SETBP1: variants seen among roughly 807,000 people sequenced by gnomAD.
The protein encoded by SETBP1 is SET-binding protein.
A neutral mutation model predicts 101.0 loss-of-function variants in SETBP1; 9 were observed. The observed-to-expected ratio is 0.09, with a 90% confidence interval of 0.05 to 0.16. The LOEUF (loss-of-function observed/expected upper bound fraction) is 0.16. Ranked by LOEUF, SETBP1 falls within the 10% of genes least tolerant of loss-of-function variation. SETBP1 has a pLI of 1.00. For missense variants in SETBP1, 1,858 were observed against 2,033.8 expected (o/e 0.91, Z 1.66); for synonymous variants, 818 against 788.5 (o/e 1.04, Z -0.63).
intron 3 of SETBP1, among the ~76,000 whole-genome samples, chr18:44,920,601 G>A (rs1236719197): frequency 6.6e-6 from 1 of 152,138 alleles, no homozygotes; most frequent in Non-Finnish European, 1.5e-5. Context: ...CAAGAGCCCA[G>A]TGGTTTAAAA....
At chr18:44,803,455 T>C (rs1599149135) in intron 2 of SETBP1, among the ~76,000 whole-genome samples, 1 of 152,160 alleles carries the variant, frequency 6.6e-6, no homozygotes, top group African/African-American at 2.4e-5. Context: ...CAGGACAGAA[T>C]GTGCTTCTTA....
At chr18:44,764,535 C>G (rs1227319124) in intron 2 of SETBP1, among the ~76,000 whole-genome samples, 1 of 151,974 alleles carries the variant, frequency 6.6e-6, no homozygotes, top group South Asian at 2.1e-4. Context: ...TGCAGTGGTG[C>G]GATCTCGGCT....
chr18:44,759,011 C>A (rs988905522), intron 2 of SETBP1, among the ~76,000 whole-genome samples: 2 of 152,250 alleles, frequency 1.3e-5, no homozygotes, highest in African/African-American at 4.8e-5. Flanking sequence ...CAAAACTAGT[C>A]TCTCTAAATA....
At chr18:45,010,835 G>C (rs1300459489) in intron 4 of SETBP1, among the ~76,000 whole-genome samples, 1 of 152,206 alleles carries the variant, frequency 6.6e-6, no homozygotes, top group Non-Finnish European at 1.5e-5. Context: ...AGAAAATTCA[G>C]GCTTAAGGGG....
intron 3 of SETBP1, among the ~76,000 whole-genome samples, chr18:44,886,741 G>A (rs1444594231): frequency 7.0e-6 from 1 of 142,958 alleles, no homozygotes; most frequent in East Asian, 2.0e-4. Flanking sequence ...TGAAAGATTG[G>A]TGGACTGTAC....
intron 4 of SETBP1, among the ~76,000 whole-genome samples, chr18:44,960,893 A>AT (rs1342633355): frequency 6.6e-6 from 1 of 152,216 alleles, no homozygotes. Context: ...TCAAGCAAAA[A>AT]ATATATTTAA....
At chr18:44,911,421 G>A (rs567871323) in intron 3 of SETBP1, among the ~76,000 whole-genome samples, 14 of 152,220 alleles carry the variant, frequency 9.2e-5, no homozygotes, top group Non-Finnish European at 1.8e-4. Context: ...CTGGTTCTTC[G>A]TCCTGCAAAT....
intron 2 of SETBP1, among the ~76,000 whole-genome samples, chr18:44,754,111 C>T (rs2070443929): frequency 6.6e-6 from 1 of 152,202 alleles, no homozygotes; most frequent in African/African-American, 2.4e-5. Context: ...AGACAGCTTC[C>T]CCAGTATTTG....
intron 2 of SETBP1, among the ~76,000 whole-genome samples, chr18:44,741,470 C>T (rs562093696): frequency 6.6e-6 from 1 of 152,268 alleles, no homozygotes; most frequent in Admixed American, 6.5e-5. Context: ...ACCCCTTTTC[C>T]TTTTCGGTTC....
chr18:44,752,501 G>T (rs2144542167), intron 2 of SETBP1, among the ~76,000 whole-genome samples: 1 of 152,322 alleles, frequency 6.6e-6, no homozygotes, highest in East Asian at 1.9e-4. Context: ...GTAGGGAAAT[G>T]TGCAGCATGT....
chr18:44,804,495 G>C (rs550972229), intron 2 of SETBP1, among the ~76,000 whole-genome samples: 2 of 152,086 alleles, frequency 1.3e-5, no homozygotes. Context: ...AGAGCTGTTC[G>C]AAAGTAATCC....
chr18:44,917,845 T>C (rs951962787), intron 3 of SETBP1, among the ~76,000 whole-genome samples: 1 of 151,898 alleles, frequency 6.6e-6, no homozygotes. Flanking sequence ...ACTCTACTAC[T>C]CACCATGACT....
In SETBP1 at chr18:44,950,277, C is replaced by G; in HGVS notation, c.937C>G (p.Pro313Ala). ...CTCTGCTGAGTGCAACGGGCTTCAG[C>G]CCTTGGTGGATCAAGATGGAGGAGG... ...SSSAECNGLQ[P>A]LVDQDGGGTK... Residue 313 changes from proline to alanine, a missense_variant, in exon 4 of 6, where the codon CCC becomes GCC. By Grantham distance (27) the Pro-to-Ala change is conservative (BLOSUM62 -1). Coordinates refer to ENST00000649279, the MANE Select transcript of SETBP1 (RefSeq NM_015559.3). The G allele has an allele frequency of 6.2e-7, 1 of 1,614,048 alleles. No individual in the cohort carries two copies. The highest frequency in any genetic ancestry group is 8.5e-7 in the Non-Finnish European group (1 of 1,180,050).
intron 2 of SETBP1, among the ~76,000 whole-genome samples, chr18:44,851,655 C>A (rs557156735): frequency 6.6e-6 from 1 of 152,322 alleles, no homozygotes; most frequent in South Asian, 2.1e-4. Flanking sequence ...CAAGTGCCAG[C>A]CAGGCACATA....
At chr18:44,922,221 A>G (rs886898731) in intron 3 of SETBP1, among the ~76,000 whole-genome samples, 26 of 152,228 alleles carry the variant, frequency 1.7e-4, no homozygotes, top group Non-Finnish European at 3.5e-4. Context: ...CTCTCCCAGT[A>G]TCTCATTTCT....
chr18:44,746,307 T>C (rs1371179834), intron 2 of SETBP1, among the ~76,000 whole-genome samples: 1 of 152,190 alleles, frequency 6.6e-6, no homozygotes, highest in Non-Finnish European at 1.5e-5. Context: ...ATAGGATACA[T>C]GATAGTACAA....
chr18:44,858,776 A>G (rs2073023567), intron 2 of SETBP1, among the ~76,000 whole-genome samples: 1 of 152,168 alleles, frequency 6.6e-6, no homozygotes, highest in South Asian at 2.1e-4. Flanking sequence ...TTGAAGATGA[A>G]ACAATAGCAT....
At chr18:45,063,016 A>G in intron 5 of SETBP1, 63 bp from the exon 6 acceptor site, 1 of 1,608,474 alleles carries the variant, frequency 6.2e-7, no homozygotes, top group Non-Finnish European at 8.5e-7. Context: ...CTGTCAGTGA[A>G]GAGGCTGAGT....
chr18:44,702,468 C>G (rs1444987311), intron 2 of SETBP1, among the ~76,000 whole-genome samples: 1 of 152,138 alleles, frequency 6.6e-6, no homozygotes, highest in Admixed American at 6.5e-5. Flanking sequence ...ATATCTTCTG[C>G]ATATCTGACA....
Sources: gnomAD v4.1 joint callset for allele counts (sites outside exome capture counted in the v4.1 genomes callset) on GRCh38, gnomAD v4.1.1 for gene constraint, MANE v1.5 for transcripts, NCBI Gene and HGNC (gene_info 2026-07-23, HGNC 2026-07-21) for gene names.